The following RHOA variants were observed in gnomAD, a reference collection of about 807,000 sequenced individuals.
RHOA encodes the protein transforming protein RhoA.
A neutral mutation model predicts 17.5 loss-of-function variants in RHOA; 3 were observed. The observed-to-expected ratio is 0.17, with a 90% CI of 0.08 to 0.44. RHOA has a LOEUF of 0.44. Among genes scored for constraint, RHOA ranks in the 20% least tolerant of loss-of-function variants. The probability of loss-of-function intolerance (pLI) is 0.99; values close to 1 mark genes in which losing one functional copy is unlikely to be tolerated. For synonymous variants in RHOA, 98 were observed against 88.4 expected, an observed-to-expected ratio of 1.11 and a Z score of -0.61; for missense variants, 56 against 242.3, an observed-to-expected ratio of 0.23 and a Z score of 5.10.
At chr3:49,402,722 C>A (rs916832162) in intron 1 of RHOA, among the ~76,000 whole-genome samples, 1 of 151,890 alleles carries the variant, frequency 6.6e-6, no homozygotes, top group Non-Finnish European at 1.5e-5. Context: ...GCAAATAAAA[C>A]GAATGAACAA....
intron 1 of RHOA, among the ~76,000 whole-genome samples, chr3:49,385,391 T>A (rs2048380710): frequency 6.6e-6 from 1 of 151,930 alleles, no homozygotes. Context: ...AATTTTTTTA[T>A]TTTTAGTAGA....
At chr3:49,408,028 C>T (rs764610241) in intron 1 of RHOA, among the ~76,000 whole-genome samples, 10 of 151,978 alleles carry the variant, frequency 6.6e-5, no homozygotes, top group African/African-American at 7.3e-5. Context: ...AGCACAGTGG[C>T]GCATGCTGGT....
chr3:49,393,672 CTCTCTGTGTG>C lies in RHOA; in HGVS notation c.-2-18091_-2-18082del, dbSNP rs2048555132. On this transcript the variant is annotated intron_variant, in intron 1 of 4. Coordinates refer to ENST00000418115, the MANE Select transcript of RHOA (RefSeq NM_001664.4). The stretch of plus-strand genomic sequence containing the variant: ...CCACAGGTCCCTTGTCTCAAATTCT[CTCTCTGTGTG>C]TGTGTGTGTGTGTGTGTGTGTGTGT... Among the ~76,000 whole-genome samples the C allele has an allele frequency of 5.6e-3, 302 of 54,220 alleles. 5 individuals are homozygous for C. The highest frequency in any genetic ancestry group is 7.7e-3 in the East Asian group (1 of 130). The allele number at this position is 54,220 out of a possible 152,430, so 35.6% of individuals were successfully genotyped here.
intron 1 of RHOA, among the ~76,000 whole-genome samples, chr3:49,380,417 T>C (rs1445245744): frequency 1.3e-5 from 2 of 152,078 alleles, no homozygotes; most frequent in Non-Finnish European, 2.9e-5. Context: ...TCCTAAATTA[T>C]ATACACTCAG....
intron 1 of RHOA, among the ~76,000 whole-genome samples, chr3:49,381,122 A>G (rs1340250671): frequency 6.6e-6 from 1 of 152,096 alleles, no homozygotes; most frequent in Admixed American, 6.6e-5. Flanking sequence ...CATGCAGTCA[A>G]GGCTAGGAGT....
chr3:49,383,807 ATCACTTGAGG>A (rs1348475208), intron 1 of RHOA, among the ~76,000 whole-genome samples: 1 of 152,158 alleles, frequency 6.6e-6, no homozygotes, highest in African/African-American at 2.4e-5. Flanking sequence ...AGGTAGGCGG[ATCACTTGAGG>A]TCAGGAGTTC....
intron 1 of RHOA, among the ~76,000 whole-genome samples, chr3:49,378,171 A>T (rs867147552): frequency 1.2e-3 from 51 of 41,950 alleles, no homozygotes; most frequent in African/African-American, 3.2e-3. Flanking sequence ...ACTGTGTCTT[A>T]AAAAAAAAAA....
At chr3:49,387,117 CAAAAAAAAAAAAAAAAAAAAAA>C (rs56262356) in intron 1 of RHOA, among the ~76,000 whole-genome samples, 44 of 24,636 alleles carry the variant, frequency 1.8e-3, no homozygotes, top group Admixed American at 4.8e-3. Context: ...AACTCCGTCT[CAAAAAAAAAAAAAAAAAAAAAA>C]AAAAAAAAAA....
chr3:49,398,979 C>T (rs2048669588), intron 1 of RHOA, among the ~76,000 whole-genome samples: 1 of 141,842 alleles, frequency 7.1e-6, no homozygotes, highest in African/African-American at 2.6e-5. Context: ...ATTGCTGCCT[C>T]GGGAGGCAGA....
chr3:49,364,357 T>C (rs2048020084), intron 3 of RHOA, among the ~76,000 whole-genome samples: 1 of 152,078 alleles, frequency 6.6e-6, no homozygotes, highest in African/African-American at 2.4e-5. Context: ...TGGTGGCACA[T>C]GCCTGCAATC....
intron 2 of RHOA, among the ~76,000 whole-genome samples, chr3:49,374,076 C>T (rs1003743817): frequency 5.1e-4 from 78 of 152,256 alleles, no homozygotes; most frequent in Non-Finnish European, 8.8e-5. Context: ...TTTGGCCGGG[C>T]ACAGTGGCTC....
chr3:49,392,182 C>T (rs1364373000), intron 1 of RHOA, among the ~76,000 whole-genome samples: 1 of 152,122 alleles, frequency 6.6e-6, no homozygotes, highest in Non-Finnish European at 1.5e-5. Flanking sequence ...GCTGGTCAGG[C>T]ACAGTGACTC....
At chr3:49,407,532 C>A (rs1258948533) in intron 1 of RHOA, among the ~76,000 whole-genome samples, 1 of 152,128 alleles carries the variant, frequency 6.6e-6, no homozygotes, top group Non-Finnish European at 1.5e-5. Flanking sequence ...CTGCTCCCAG[C>A]CAGGAATTCC....
chr3:49,401,126 A>AG (rs1314669447), intron 1 of RHOA, among the ~76,000 whole-genome samples: 2 of 151,636 alleles, frequency 1.3e-5, no homozygotes, highest in East Asian at 1.9e-4. Context: ...ATTAGACACT[A>AG]GGGCCTTCAA....
intron 1 of RHOA, among the ~76,000 whole-genome samples, chr3:49,385,501 C>T (rs897988468): frequency 1.3e-5 from 2 of 152,092 alleles, no homozygotes; most frequent in African/African-American, 4.8e-5. Context: ...CAGCAATGAG[C>T]CACCGCACCC....
chr3:49,376,956 C>T (rs1465811051), intron 1 of RHOA, among the ~76,000 whole-genome samples: 1 of 151,844 alleles, frequency 6.6e-6, no homozygotes, highest in African/African-American at 2.4e-5. Flanking sequence ...TGGAGAAACC[C>T]CATCTCTACC....
intron 4 of RHOA, 84 bp from the exon 5 acceptor site, chr3:49,360,466 GA>G: frequency 4.2e-6 from 6 of 1,427,000 alleles, no homozygotes; most frequent in Middle Eastern, 3.8e-4. Context: ...TCATCTAAAA[GA>G]TTTTTTTTTC....
At position 49,392,964 on chromosome 3, in the gene RHOA, G is replaced by A. The variant is rs1313488937; in HGVS notation, c.-2-17373C>T. Among the ~76,000 whole-genome samples, 8 of 152,160 alleles carry A rather than the reference G, an allele frequency of 5.3e-5. No homozygotes were observed. In the East Asian group the frequency reaches 1.5e-3, roughly 29 times the overall value. ...GGTCAAGGGGGGTAGATCAGCTGAG[G>A]TCAGGAGTTCAAGACCAGCCTGGCC... On this transcript the variant is annotated intron_variant, in intron 1 of 4. Coordinates refer to ENST00000418115, the MANE Select transcript of RHOA (RefSeq NM_001664.4).
In RHOA at chr3:49,374,634, A is replaced by G. The variant is rs946894047; in HGVS notation, c.156+800T>C. 3.3e-5 allele frequency among the ~76,000 whole-genome samples: 5 copies of G among 152,170 alleles called. No homozygotes were observed. In the East Asian group the frequency reaches 9.7e-4, roughly 29 times the overall value. On this transcript the variant is annotated intron_variant, in intron 2 of 4. Transcript: ENST00000418115. ...CTACTCTGGAGGCTGAGGCAAAAGA[A>G]TTGCTTGAACCCGGGAGGTGGAGGT...
Sources: gnomAD v4.1 joint callset for allele counts (sites outside exome capture counted in the v4.1 genomes callset) on GRCh38, gnomAD v4.1.1 for gene constraint, MANE v1.5 for transcripts, NCBI Gene and HGNC (gene_info 2026-07-23, HGNC 2026-07-21) for gene names.